Variants in ANKRD11 observed in about 807,000 individuals in gnomAD.
ANKRD11 encodes the protein ankyrin repeat domain-containing protein 11.
In ANKRD11, 17 loss-of-function variants were observed where a neutral mutation model predicts 195.7. The observed-to-expected ratio is 0.09, with a 90% CI of 0.06 to 0.13. The LOEUF (loss-of-function observed/expected upper bound fraction) is 0.13, where lower values mean the gene tolerates loss of function less well. Ranked by LOEUF, ANKRD11 falls within the 10% of genes least tolerant of loss-of-function variation. The pLI, the probability that ANKRD11 is intolerant of heterozygous loss-of-function variation, is 1.00. For missense variants in ANKRD11, 3,735 were observed against 3,566.1 expected (o/e 1.05, Z -1.21); for synonymous variants, 1,953 against 1,528.1 (o/e 1.28, Z -6.49).
At chr16:89,488,358 A>G (rs1266670861) in intron 1 of ANKRD11, among the ~76,000 whole-genome samples, 1 of 152,004 alleles carries the variant, frequency 6.6e-6, no homozygotes, top group African/African-American at 2.4e-5. Flanking sequence ...GGAGAACAAC[A>G]GCTGAATGGA....
At chr16:89,390,371 TGA>T (rs993217385) in intron 2 of ANKRD11, among the ~76,000 whole-genome samples, 1 of 132,076 alleles carries the variant, frequency 7.6e-6, no homozygotes, top group African/African-American at 2.9e-5. Flanking sequence ...CGGGGAGCAC[TGA>T]GAGAGAGAAG....
chr16:89,395,569 C>T (rs2041390649), intron 2 of ANKRD11: 1 of 152,238 alleles, frequency 6.6e-6, no homozygotes, highest in South Asian at 2.1e-4. Context: ...GACCAATGGG[C>T]CATCACATTG....
At chr16:89,300,991 C>T (rs2035820578) in intron 4 of ANKRD11, 3 of 649,312 alleles carry the variant, frequency 4.6e-6, no homozygotes, top group African/African-American at 3.6e-5. Context: ...GACTCAGGGT[C>T]ACAGACGAAG....
chr16:89,407,010 C>T (rs142175598), intron 2 of ANKRD11, among the ~76,000 whole-genome samples: 53 of 152,086 alleles, frequency 3.5e-4, no homozygotes, highest in Non-Finnish European at 7.2e-4. Context: ...TATGGTGAAA[C>T]CCTGTCTCTA....
chr16:89,432,941 C>CCTCTCTCT (rs1420955760), intron 1 of ANKRD11, among the ~76,000 whole-genome samples: 4 of 50,536 alleles, frequency 7.9e-5, no homozygotes, highest in African/African-American at 1.7e-4. Context: ...TGACAGAGAC[C>CCTCTCTCT]CTATCTCTCT....
chr16:89,289,151 G>C (rs550290894), intron 6 of ANKRD11, among the ~76,000 whole-genome samples: 2 of 152,188 alleles, frequency 1.3e-5, no homozygotes, highest in Non-Finnish European at 2.9e-5. Flanking sequence ...AGGCCACCCC[G>C]GGCAGGCAGC....
At chr16:89,428,512 G>A (rs560840264) in intron 1 of ANKRD11, among the ~76,000 whole-genome samples, 15 of 151,386 alleles carry the variant, frequency 9.9e-5, no homozygotes, top group South Asian at 4.2e-4. Flanking sequence ...GTGACAGAGC[G>A]AGACTACATC....
intron 2 of ANKRD11, among the ~76,000 whole-genome samples, chr16:89,383,456 C>A (rs939952855): frequency 1.3e-5 from 2 of 152,248 alleles, no homozygotes; most frequent in Non-Finnish European, 2.9e-5. Context: ...TATCTACCCT[C>A]CCTGATGGGC....
chr16:89,286,875 T>C (rs2034682715), intron 7 of ANKRD11: 1 of 1,288,618 alleles, frequency 7.8e-7, no homozygotes, highest in Non-Finnish European at 1.0e-6. Flanking sequence ...ATCCCAACTT[T>C]AGTCCAGTCT....
intron 4 of ANKRD11, among the ~76,000 whole-genome samples, chr16:89,304,244 G>A (rs905467522): frequency 1.3e-5 from 2 of 152,220 alleles, no homozygotes; most frequent in Non-Finnish European, 1.5e-5. Flanking sequence ...AGGAGCGTGT[G>A]CACATGAACA....
At chr16:89,470,290 A>C (rs941925495) in intron 1 of ANKRD11, among the ~76,000 whole-genome samples, 1 of 152,138 alleles carries the variant, frequency 6.6e-6, no homozygotes, top group African/African-American at 2.4e-5. Context: ...ATAGCTTATC[A>C]CTAAGATTCA....
At chr16:89,481,447 C>T (rs1438191225) in intron 1 of ANKRD11, among the ~76,000 whole-genome samples, 1 of 152,138 alleles carries the variant, frequency 6.6e-6, no homozygotes, top group Non-Finnish European at 1.5e-5. Flanking sequence ...GTTCTAGCCA[C>T]TCATGACGTT....
chr16:89,403,236 A>G (rs1355310872), intron 2 of ANKRD11, among the ~76,000 whole-genome samples: 1 of 152,180 alleles, frequency 6.6e-6, no homozygotes, highest in Non-Finnish European at 1.5e-5. Flanking sequence ...ACGGGCACTG[A>G]CAGGAAGTAT....
At position 89,283,768 on chromosome 16, in the gene ANKRD11, T is replaced by C. The variant is rs1464075592; in HGVS notation, c.2774A>G (p.Glu925Gly). 2 of 1,613,436 alleles carry C rather than the reference T, an allele frequency of 1.2e-6. No individual in the cohort carries two copies. Among genetic ancestry groups the C allele is most frequent in the Non-Finnish European group, 1.7e-6 (2 of 1,179,716 alleles). ...KNSEKRKEQT[E>G]KHKSVPGYLS... ...GTAGCCAGGGACACTTTTATGCTTT[T>C]CGGTCTGCTCTTTCCTCTTCTCAGA... The change falls in exon 9 of 13, where the codon GAA (glutamate) becomes GGA (glycine). Residue 925 changes from glutamate (E) to glycine (G), a missense_variant. By Grantham distance (98) the Glu-to-Gly change is moderately conservative. Coordinates refer to ENST00000301030, the MANE Select transcript of ANKRD11 (RefSeq NM_013275.6). The surrounding 1 kb of genome is among the most constrained non-coding windows in gnomAD (Gnocchi z 4.3).
intron 2 of ANKRD11, among the ~76,000 whole-genome samples, chr16:89,337,429 C>CTT (rs1165680827): frequency 0.045 from 2,380 of 52,952 alleles, 781 homozygotes; most frequent in African/African-American, 0.08. Context: ...CTAAGCAATT[C>CTT]TTTTTTTTTT....
At chr16:89,449,696 G>A (rs985249941) in intron 1 of ANKRD11, among the ~76,000 whole-genome samples, 3 of 152,188 alleles carry the variant, frequency 2.0e-5, no homozygotes, top group African/African-American at 7.2e-5. Context: ...GGGAGGCTGA[G>A]GCAGGAGAAT....
intron 2 of ANKRD11, among the ~76,000 whole-genome samples, chr16:89,354,682 G>A (rs1006950784): frequency 3.3e-5 from 5 of 152,192 alleles, no homozygotes; most frequent in African/African-American, 7.2e-5. Context: ...AGGAGTTCAA[G>A]ACCAGCCTGG....
chr16:89,451,282 A>G (rs1448027400), intron 1 of ANKRD11, among the ~76,000 whole-genome samples: 1 of 152,210 alleles, frequency 6.6e-6, no homozygotes, highest in East Asian at 1.9e-4. Flanking sequence ...AAGACAAATC[A>G]ATGGAGACAG....
At position 89,279,393 on chromosome 16, in the gene ANKRD11, A is replaced by C. The variant is rs2033960029; in HGVS notation, c.7149T>G (p.His2383Gln). 1.3e-6 allele frequency: 2 copies of C among 1,560,032 alleles called. No individual in the cohort carries two copies. Among genetic ancestry groups the C allele is most frequent in the Non-Finnish European group, 1.7e-6 (2 of 1,155,754 alleles). The change falls in exon 9 of 13, where the codon CAT becomes CAG. Residue 2383 changes from histidine (H) to glutamine (Q), a missense_variant. By Grantham distance (24) the His-to-Gln change is conservative. Coordinates refer to ENST00000301030, the MANE Select transcript of ANKRD11 (RefSeq NM_013275.6). The surrounding 1 kb of genome is among the most constrained non-coding windows in gnomAD (Gnocchi z 5.6). Reference sequence around the variant, plus strand: ...AGCGCTGAAAGCGGCGTTTGCGCGGATGCTGGGCCTGGGCGTCGTCGTCCT... The same window carrying C: ...AGCGCTGAAAGCGGCGTTTGCGCGGCTGCTGGGCCTGGGCGTCGTCGTCCT... ...GSEDDDAQAQ[H>Q]PRKRRFQRST...
Sources: allele counts gnomAD v4.1 joint callset (sites outside exome capture counted in the v4.1 genomes callset), GRCh38; gene constraint gnomAD v4.1.1; non-coding constraint Gnocchi (gnomAD v3.1); transcripts MANE v1.5; gene names NCBI Gene and HGNC (gene_info 2026-07-23, HGNC 2026-07-21).